The following MYCBP2 variants were observed in gnomAD, a reference collection of about 807,000 sequenced individuals.
MYCBP2 encodes the protein E3 ubiquitin-protein ligase MYCBP2.
In MYCBP2, 120 loss-of-function variants were observed where a neutral mutation model predicts 525.3. That is an observed-to-expected ratio of 0.23 (90% CI 0.20 to 0.27). The LOEUF is 0.27. MYCBP2 is among the 10% of genes least tolerant of loss of function. The pLI is 1.00. For synonymous variants in MYCBP2, 1,894 were observed against 1,955.8 expected (o/e 0.97, Z 0.83); for missense variants, 4,149 against 5,657.1 (o/e 0.73, Z 8.55).
At chr13:77,204,343 A>G (rs1258852158) in intron 26 of MYCBP2, among the ~76,000 whole-genome samples, 6 of 148,988 alleles carry the variant, frequency 4.0e-5, no homozygotes, top group Admixed American at 2.7e-4. Flanking sequence ...CAAAACCACA[A>G]TGAGATACCA....
At chr13:77,272,146 C>T (rs560621333) in intron 5 of MYCBP2, among the ~76,000 whole-genome samples, 8 of 152,202 alleles carry the variant, frequency 5.3e-5, no homozygotes, top group South Asian at 2.1e-4. Context: ...GCTGTGGCTA[C>T]GCTATTTGAC....
In MYCBP2 at chr13:77,272,872, T is replaced by G. The variant is rs1182494695; in HGVS notation, c.945+600A>C. On this transcript the variant is annotated intron_variant, in intron 5 of 82. Coordinates refer to ENST00000544440, the MANE Select transcript of MYCBP2 (RefSeq NM_015057.5). ...AAGAGTAGACAGTCAGGTCTTAAGA[T>G]CATAACTTCTTTCTCAATTTCCAGA... Among the ~76,000 whole-genome samples, 3 of 152,194 alleles carry G rather than the reference T, an allele frequency of 2.0e-5. No homozygotes were observed. The East Asian group carries it at 5.8e-4, about 29-fold the overall frequency.
chr13:77,111,205 A>G (rs9600816), intron 55 of MYCBP2, among the ~76,000 whole-genome samples: 4,051 of 152,218 alleles, frequency 0.027, 198 homozygotes, highest in African/African-American at 0.091. Context: ...TCTATTTTCA[A>G]CTTGTCAGTC....
At chr13:77,307,652 A>C (rs977895648) in intron 1 of MYCBP2, among the ~76,000 whole-genome samples, 1 of 149,458 alleles carries the variant, frequency 6.7e-6, no homozygotes, top group Non-Finnish European at 1.5e-5. Context: ...AAAAAAAAAA[A>C]AACTTCATTG....
intron 15 of MYCBP2, among the ~76,000 whole-genome samples, chr13:77,249,722 T>C (rs1279492292): frequency 1.3e-5 from 2 of 152,084 alleles, no homozygotes; most frequent in Non-Finnish European, 2.9e-5. Flanking sequence ...GAAATAGCGT[T>C]GGAGAGATCC....
At chr13:77,119,957 T>C (rs2050403220) in intron 55 of MYCBP2, among the ~76,000 whole-genome samples, 1 of 152,208 alleles carries the variant, frequency 6.6e-6, no homozygotes, top group African/African-American at 2.4e-5. Flanking sequence ...TTATTATTTG[T>C]ACATAATAAC....
intron 26 of MYCBP2, among the ~76,000 whole-genome samples, chr13:77,202,139 G>C (rs368103288): frequency 1.5e-3 from 234 of 152,028 alleles, no homozygotes; most frequent in African/African-American, 5.3e-3. Context: ...TTGATAGACC[G>C]CTAACAAGAC....
Position 77,044,901 on chromosome 13 carries a change from G to GTT in MYCBP2, c.*475_*476dup, listed in dbSNP as rs56131306. On this transcript the variant is annotated 3_prime_UTR_variant, in exon 83 of 83. Coordinates refer to ENST00000544440, the MANE Select transcript of MYCBP2 (RefSeq NM_015057.5). ...CATTTATATGCTGTCCTAACACAATGTTTTTTTTTTTTTTAAATAACAGTC... is the reference window on the plus strand; with the variant it reads ...CATTTATATGCTGTCCTAACACAATGTTTTTTTTTTTTTTTTAAATAACAGTC... 3.6e-5 allele frequency: 13 copies of GTT among 365,158 alleles called. No individual in the cohort carries two copies. Among genetic ancestry groups the GTT allele is most frequent in the South Asian group, 1.4e-4 (1 of 7,124 alleles). The allele number at this position is 365,158 out of a possible 1,614,324, so 22.6% of individuals were successfully genotyped here.
intron 2 of MYCBP2, among the ~76,000 whole-genome samples, chr13:77,294,131 C>CACATATATATATATATATATATAT (rs1555465826): frequency 1.5e-5 from 1 of 65,692 alleles, no homozygotes; most frequent in Non-Finnish European, 3.0e-5. Context: ...TATATATATA[C>CACATATATATATATATATATATAT]ATATATATAT....
intron 21 of MYCBP2, among the ~76,000 whole-genome samples, chr13:77,214,844 A>C (rs2064580045): frequency 6.6e-6 from 1 of 152,188 alleles, no homozygotes; most frequent in Non-Finnish European, 1.5e-5. Flanking sequence ...AGTTATAGTC[A>C]AAGTACTTAT....
intron 77 of MYCBP2, 121 bp downstream of exon 77, chr13:77,059,402 A>G (rs1594109943): frequency 1.4e-6 from 1 of 707,698 alleles, no homozygotes; most frequent in Non-Finnish European, 2.5e-6. Flanking sequence ...GATGCTTCAC[A>G]TAGGTAATAC....
At chr13:77,214,789 C>T (rs939017301) in intron 21 of MYCBP2, among the ~76,000 whole-genome samples, 11 of 152,112 alleles carry the variant, frequency 7.2e-5, no homozygotes, top group African/African-American at 2.7e-4. Flanking sequence ...ATACTGTAGG[C>T]AACTGTAACC....
At chr13:77,210,396 G>C (rs1198874980) in intron 23 of MYCBP2, among the ~76,000 whole-genome samples, 1 of 151,950 alleles carries the variant, frequency 6.6e-6, no homozygotes, top group East Asian at 1.9e-4. Context: ...GTTTCACTGT[G>C]TTAGCCAGGA....
intron 28 of MYCBP2, 78 bp downstream of exon 28, chr13:77,191,601 A>C: frequency 6.6e-7 from 1 of 1,508,772 alleles, no homozygotes; most frequent in Non-Finnish European, 9.0e-7. Flanking sequence ...ATCCTGCTGA[A>C]AGTACTCTGA....
intron 74 of MYCBP2, among the ~76,000 whole-genome samples, 153 bp downstream of exon 74, chr13:77,062,443 G>T (rs1433250506): frequency 6.6e-6 from 1 of 152,208 alleles, no homozygotes; most frequent in African/African-American, 2.4e-5. Flanking sequence ...AAATAGACTT[G>T]TGAGATGAAC....
At chr13:77,045,850 C>T (rs1273157862) in intron 82 of MYCBP2, among the ~76,000 whole-genome samples, 1 of 152,068 alleles carries the variant, frequency 6.6e-6, no homozygotes, top group Non-Finnish European at 1.5e-5. Context: ...TTTAGTCTGG[C>T]AGAACATTAT....
chr13:77,309,555 C>T (rs2079902537), intron 1 of MYCBP2, among the ~76,000 whole-genome samples: 1 of 152,196 alleles, frequency 6.6e-6, no homozygotes, highest in South Asian at 2.1e-4. Context: ...GAGAAACTAG[C>T]TCTTCCTCCC....
At chr13:77,186,186 T>C (rs1284987539) in intron 30 of MYCBP2, 123 bp from the exon 31 acceptor site, 1 of 661,966 alleles carries the variant, frequency 1.5e-6, no homozygotes, top group East Asian at 3.0e-5. Context: ...CTGAGTTTTT[T>C]AATTGAATTT....
At chr13:77,128,089 C>T (rs1233744727) in intron 52 of MYCBP2, among the ~76,000 whole-genome samples, 5 of 151,876 alleles carry the variant, frequency 3.3e-5, no homozygotes, top group African/African-American at 1.2e-4. Flanking sequence ...TTTATATACT[C>T]ATCATATATA....
Sources: gnomAD v4.1 joint callset for allele counts (sites outside exome capture counted in the v4.1 genomes callset) on GRCh38, gnomAD v4.1.1 for gene constraint, MANE v1.5 for transcripts, NCBI Gene and HGNC (gene_info 2026-07-23, HGNC 2026-07-21) for gene names.